Variants in UBN2 observed in about 807,000 individuals in gnomAD.
UBN2 encodes the protein ubinuclein-2.
A neutral mutation model predicts 120.2 loss-of-function variants in UBN2; 35 were observed. The ratio of observed to expected loss-of-function variants is 0.29; its 90% CI spans 0.22 to 0.39. UBN2 has a LOEUF of 0.39. UBN2 is among the 10% of genes least tolerant of loss of function. The pLI, the probability that UBN2 is intolerant of heterozygous loss-of-function variation, is 1.00. For synonymous variants in UBN2, 661 were observed against 648.7 expected (o/e 1.02, Z -0.29); for missense variants, 1,693 against 1,663.2 (o/e 1.02, Z -0.31).
chr7:139,322,106 T>A, the UBN2 span, among the ~76,000 whole-genome samples: 1 of 152,050 alleles, frequency 6.6e-6, no homozygotes, highest in Non-Finnish European at 1.5e-5. Context: ...TCGGAGTAGC[T>A]GGGACTATAG....
rs546517601 is a variant in UBN2, at chr7:139,276,539, A to G, written c.2024+392A>G. ...TGCACACCCACCCTCGCTGCACTGCAGAGTGTTTTATTCCACAAAATTAAC... is the reference window on the plus strand; with the variant it reads ...TGCACACCCACCCTCGCTGCACTGCGGAGTGTTTTATTCCACAAAATTAAC... On this transcript the variant is annotated intron_variant, in intron 12 of 17. Transcript: ENST00000473989. The G allele has an allele frequency of 1.9e-4, 38 of 197,008 alleles. 1 individual carries two copies. In the South Asian group the frequency reaches 3.6e-3, roughly 19 times the overall value. 12.2% of individuals were successfully genotyped at this position (197,008 alleles called of 1,614,324 possible).
rs115868756 is a variant in UBN2 at position 139,273,442 on chromosome 7, A to G, written c.1829+32A>G. 2,314 of 1,400,468 alleles carry G rather than the reference A, an allele frequency of 1.7e-3. 37 individuals carry two copies. In the African/African-American group the frequency reaches 0.03, roughly 18 times the overall value. The allele number at this position is 1,400,468 out of a possible 1,614,324, so 86.8% of individuals were successfully genotyped here. A position where few individuals can be genotyped will look rare whatever the true frequency, so the allele number is the denominator to read the frequency against. ...TTTAATTAGTTTTCACTTTTAATATATAATGCAGAAGTAAGATTCCTCATT... is the reference window on the plus strand; with the variant it reads ...TTTAATTAGTTTTCACTTTTAATATGTAATGCAGAAGTAAGATTCCTCATT... On this transcript the variant is annotated intron_variant, in intron 10 of 17. Transcript: ENST00000473989.
At position 139,231,647 on chromosome 7, in the gene UBN2, C is replaced by G. The variant is rs985565935; in HGVS notation, c.163C>G (p.Arg55Gly). 135 of 1,215,524 alleles carry G rather than the reference C, an allele frequency of 1.1e-4. No homozygotes were observed. Among genetic ancestry groups the G allele is most frequent in the Non-Finnish European group, 1.4e-4 (133 of 979,828 alleles). 75.3% of individuals were successfully genotyped at this position (1,215,524 alleles called of 1,614,324 possible). A position where few individuals can be genotyped will look rare whatever the true frequency, so the allele number is the denominator to read the frequency against. The stretch of plus-strand genomic sequence containing the variant: ...GGCCCGGGCGGAGCCGCCGGCCCCG[C>G]GGGAGCCTGCCCCCCGCTCGGACGC... The part of the protein sequence containing the change: ...EPARAEPPAP[R>G]EPAPRSDAQP... The change falls in exon 1 of 18, where the codon CGG (arginine) becomes GGG (glycine). Residue 55 changes from arginine to glycine, a missense_variant. Coordinates refer to ENST00000473989, the MANE Select transcript of UBN2 (RefSeq NM_173569.4).
At chr7:139,254,531 TG>T (rs1339052315) in intron 3 of UBN2, among the ~76,000 whole-genome samples, 8 of 152,238 alleles carry the variant, frequency 5.3e-5, no homozygotes, top group African/African-American at 1.9e-4. Flanking sequence ...TAATTTGCTG[TG>T]TAGCCAGGAG....
rs1432767229 is a variant in UBN2, at chr7:139,283,532, T to C, written c.2627T>C (p.Leu876Pro). 1 of 1,614,222 alleles carries C rather than the reference T, an allele frequency of 6.2e-7. No homozygotes were observed. Among genetic ancestry groups the C allele is most frequent in the South Asian group, 1.1e-5 (1 of 91,086 alleles). ...TCTTTAGAACCTTTGCCAGCCAGGC[T>C]ACTTCAACAAGGACTTCAGAGGTCA... is the stretch of plus-strand genomic sequence containing the variant. Reference protein sequence around the residue: ...KVSLEPLPARLLQQGLQRSSQ... With the variant: ...KVSLEPLPARPLQQGLQRSSQ... Residue 876 changes from leucine (L) to proline (P), a missense_variant, in exon 15 of 18, where the codon CTA becomes CCA. Around this residue, in one of 5 missense-constraint regions of UBN2, gnomAD observed 837 missense variants for 817.6 expected, o/e 1.02. Coordinates refer to ENST00000473989, the MANE Select transcript of UBN2 (RefSeq NM_173569.4).
At chr7:139,232,337 A>G (rs1215198824) in intron 1 of UBN2, among the ~76,000 whole-genome samples, 1 of 152,244 alleles carries the variant, frequency 6.6e-6, no homozygotes, top group Non-Finnish European at 1.5e-5. Flanking sequence ...TCGTTCCAGT[A>G]GAAAGGAAGA....
chr7:139,318,186 C>T, the UBN2 span, among the ~76,000 whole-genome samples: 8,713 of 152,178 alleles, frequency 0.057, 457 homozygotes, highest in African/African-American at 0.14. Context: ...TACCTGGTGA[C>T]ATTAACCTCC....
intron 6 of UBN2, among the ~76,000 whole-genome samples, chr7:139,263,733 C>T (rs1389972670): frequency 2.0e-5 from 3 of 147,880 alleles, no homozygotes; most frequent in Non-Finnish European, 4.4e-5. Context: ...TGCCACTGCA[C>T]TCCAGCCTGA....
intron 1 of UBN2, 40 bp from the exon 2 acceptor site, chr7:139,236,965 A>T (rs748616809): frequency 7.6e-7 from 1 of 1,307,252 alleles, no homozygotes; most frequent in Admixed American, 1.9e-5. Context: ...TGTAATACTA[A>T]TGGATACTTC....
downstream of UBN2, among the ~76,000 whole-genome samples, chr7:139,310,560 C>T (rs568741924): frequency 2.6e-4 from 39 of 152,240 alleles, no homozygotes; most frequent in Non-Finnish European, 5.1e-4. Flanking sequence ...CACTTGAGGT[C>T]AGGAGTTAGA....
intron 2 of UBN2, among the ~76,000 whole-genome samples, chr7:139,245,053 C>T (rs969921749): frequency 1.3e-5 from 2 of 151,752 alleles, no homozygotes; most frequent in Non-Finnish European, 2.9e-5. Context: ...CCCACCTCAG[C>T]CTCCCAAGTA....
chr7:139,257,350 A>T (rs976485746), intron 3 of UBN2, among the ~76,000 whole-genome samples: 1 of 152,156 alleles, frequency 6.6e-6, no homozygotes, highest in African/African-American at 2.4e-5. Context: ...TTTCTATGCT[A>T]TTCAATTCTT....
chr7:139,252,272 G>A (rs944028841), intron 3 of UBN2, among the ~76,000 whole-genome samples: 2 of 149,484 alleles, frequency 1.3e-5, no homozygotes, highest in African/African-American at 4.9e-5. Flanking sequence ...GTGGTGAATT[G>A]TTATTACATT....
At chr7:139,262,225 A>G (rs12333523) in intron 6 of UBN2, among the ~76,000 whole-genome samples, 13,949 of 151,860 alleles carry the variant, frequency 0.092, 1,131 homozygotes, top group Admixed American at 0.21. Context: ...TCAGCCTCCC[A>G]AATATCTGGG....
At position 139,308,061 on chromosome 7, in the gene UBN2, T is replaced by G. The variant is rs372254233; in HGVS notation, c.*10225T>G. ...TTTTTTAATTTTTTTGCAACAGCCT[T>G]GCTCATATTCCAGGTGTAGCTAGCA... is the stretch of plus-strand genomic sequence containing the variant. On this transcript the variant is annotated 3_prime_UTR_variant, in exon 18 of 18. Coordinates refer to ENST00000473989, the MANE Select transcript of UBN2 (RefSeq NM_173569.4). 3 of 151,864 alleles carry G rather than the reference T, an allele frequency of 2.0e-5. No homozygotes were observed. Among genetic ancestry groups the G allele is most frequent in the South Asian group, 4.2e-4 (2 of 4,818 alleles). 9.4% of individuals were successfully genotyped at this position (151,864 alleles called of 1,614,324 possible).
At chr7:139,256,870 A>C (rs1796779400) in intron 3 of UBN2, among the ~76,000 whole-genome samples, 1 of 152,096 alleles carries the variant, frequency 6.6e-6, no homozygotes, top group Non-Finnish European at 1.5e-5. Flanking sequence ...ATTCAGTGTG[A>C]TTAAACTGGA....
intron 15 of UBN2, among the ~76,000 whole-genome samples, chr7:139,289,811 T>G (rs1423476570): frequency 6.6e-6 from 1 of 152,204 alleles, no homozygotes; most frequent in Non-Finnish European, 1.5e-5. Context: ...ACTAGGGAAC[T>G]CCAACTGGGG....
At chr7:139,250,315 G>A (rs899521722) in intron 2 of UBN2, among the ~76,000 whole-genome samples, 11 of 151,874 alleles carry the variant, frequency 7.2e-5, no homozygotes, top group Admixed American at 5.9e-4. Flanking sequence ...TCACTGCAAC[G>A]TCCGCCTCCC....
chr7:139,286,172 C>T (rs1292683441), intron 15 of UBN2, among the ~76,000 whole-genome samples: 1 of 152,200 alleles, frequency 6.6e-6, no homozygotes, highest in African/African-American at 2.4e-5. Flanking sequence ...AGTTGATCTG[C>T]CCACCTCGGC....
Sources: gnomAD v4.1 joint callset for allele counts (sites outside exome capture counted in the v4.1 genomes callset) on GRCh38, gnomAD v4.1.1 for gene constraint, gnomAD v4.1.1 regional missense constraint, MANE v1.5 for transcripts, NCBI Gene and HGNC (gene_info 2026-07-23, HGNC 2026-07-21) for gene names.